GNAO1: variants seen among roughly 807,000 people sequenced by gnomAD.
GNAO1 encodes the protein G protein subunit alpha o1.
For missense variants in GNAO1, 166 were observed against 478.7 expected, an observed-to-expected ratio of 0.35 and a Z score of 6.10; for synonymous variants, 164 against 180.7, an observed-to-expected ratio of 0.91 and a Z score of 0.74.
At chr16:56,221,176 A>T (rs2036482929) in intron 2 of GNAO1, among the ~76,000 whole-genome samples, 2 of 152,180 alleles carry the variant, frequency 1.3e-5, no homozygotes, top group Admixed American at 1.3e-4. Flanking sequence ...CCAGTGCCTC[A>T]ACGTTGGACT....
At chr16:56,341,325 G>C (rs2037801429) in intron 6 of GNAO1, among the ~76,000 whole-genome samples, 1 of 152,226 alleles carries the variant, frequency 6.6e-6, no homozygotes, top group African/African-American at 2.4e-5. Context: ...ACAGAGGCTT[G>C]GAGTTAGGCA....
In GNAO1 at chr16:56,288,246, T is replaced by C. The variant is rs542883555; in HGVS notation, c.303+12174T>C. ...GAACTAATGCAAGCAGGTGTACTGC[T>C]GCTCAGAGCTCAGCTGGCGAGCAGG... On this transcript the variant is annotated intron_variant, in intron 3 of 8. Coordinates refer to ENST00000262493, the MANE Select transcript of GNAO1 (RefSeq NM_020988.3). 4.4e-4 allele frequency among the ~76,000 whole-genome samples: 67 copies of C among 152,380 alleles called. 1 individual carries two copies. Among genetic ancestry groups the C allele is most frequent in the Non-Finnish European group, 8.7e-4 (59 of 68,036 alleles).
At chr16:56,320,642 G>A (rs2037561675) in intron 3 of GNAO1, among the ~76,000 whole-genome samples, 1 of 152,214 alleles carries the variant, frequency 6.6e-6, no homozygotes, top group South Asian at 2.1e-4. Flanking sequence ...AGAATCAGAT[G>A]TTGGATTCCA....
rs368451003 is a variant in GNAO1, at chr16:56,240,816, G to A, written c.162-35115G>A. 1.1e-4 allele frequency among the ~76,000 whole-genome samples: 17 copies of A among 152,260 alleles called. No homozygotes were observed. In the East Asian group the frequency reaches 2.5e-3, roughly 23 times the overall value. On this transcript the variant is annotated intron_variant, in intron 2 of 8. Coordinates refer to ENST00000262493, the MANE Select transcript of GNAO1 (RefSeq NM_020988.3). ...GGTGTTTATCCTCGTGCACAGTCACGAGGAGAAGGATGCTTATAAAACTAG... is the reference window on the plus strand; with the variant it reads ...GGTGTTTATCCTCGTGCACAGTCACAAGGAGAAGGATGCTTATAAAACTAG...
At chr16:56,256,710 C>CTG (rs1255530533) in intron 2 of GNAO1, among the ~76,000 whole-genome samples, 6 of 120,528 alleles carry the variant, frequency 5.0e-5, no homozygotes, top group African/African-American at 2.0e-4. Context: ...CTCTCTCTCT[C>CTG]TCTCTCTCTG....
chr16:56,325,781 A>T (rs1471208155), intron 3 of GNAO1, among the ~76,000 whole-genome samples: 1 of 152,190 alleles, frequency 6.6e-6, no homozygotes, highest in Non-Finnish European at 1.5e-5. Context: ...AGGACAGGTC[A>T]CATGAAGGGT....
intron 2 of GNAO1, among the ~76,000 whole-genome samples, chr16:56,264,236 G>T (rs578223279): frequency 6.6e-6 from 1 of 152,326 alleles, no homozygotes; most frequent in South Asian, 2.1e-4. Flanking sequence ...TTCAAGTCAC[G>T]ATATCTGTAA....
At chr16:56,239,824 A>G (rs1464618625) in intron 2 of GNAO1, among the ~76,000 whole-genome samples, 3 of 152,212 alleles carry the variant, frequency 2.0e-5, no homozygotes, top group African/African-American at 7.2e-5. Context: ...TAGGACTGCC[A>G]GTTATTCACT....
chr16:56,204,921 A>G lies in GNAO1; in HGVS notation c.161+12305A>G, dbSNP rs184070230. On this transcript the variant is annotated intron_variant, in intron 2 of 8. Transcript: ENST00000262493. The stretch of plus-strand genomic sequence containing the variant: ...TCGCGTGATCTATAAGCTTCTACTC[A>G]AGTCTTGAGGTCATAATTTATATCT... Among the ~76,000 whole-genome samples the G allele has an allele frequency of 2.8e-3, 419 of 152,252 alleles. 1 individual carries two copies. Among genetic ancestry groups the G allele is most frequent in the Non-Finnish European group, 4.6e-3 (311 of 67,998 alleles).
chr16:56,221,899 A>G (rs2143368506), intron 2 of GNAO1, among the ~76,000 whole-genome samples: 1 of 152,242 alleles, frequency 6.6e-6, no homozygotes, highest in South Asian at 2.1e-4. Flanking sequence ...CAGGAGGGGT[A>G]GCCAGCACCA....
intron 2 of GNAO1, among the ~76,000 whole-genome samples, chr16:56,261,257 C>T (rs919026936): frequency 1.4e-4 from 22 of 152,232 alleles, no homozygotes; most frequent in African/African-American, 4.8e-4. Flanking sequence ...TTGCCTTGAA[C>T]TCTCCTAGGC....
At chr16:56,343,680 C>A in intron 6 of GNAO1, 5 of 1,136,072 alleles carry the variant, frequency 4.4e-6, no homozygotes, top group Non-Finnish European at 5.0e-6. Context: ...GCCGGATGGC[C>A]ACACAGGCCA....
chr16:56,269,394 G>A (rs756124259), intron 2 of GNAO1, among the ~76,000 whole-genome samples: 3 of 152,098 alleles, frequency 2.0e-5, no homozygotes, highest in South Asian at 2.1e-4. Flanking sequence ...GAGGACAGAC[G>A]CGGGACGCCT....
intron 3 of GNAO1, among the ~76,000 whole-genome samples, chr16:56,277,991 G>C (rs905203214): frequency 5.9e-5 from 9 of 152,156 alleles, no homozygotes; most frequent in African/African-American, 1.7e-4. Context: ...TGTTCCCATG[G>C]GATTTTTTTT....
chr16:56,210,954 A>G (rs2036380620), intron 2 of GNAO1, among the ~76,000 whole-genome samples: 1 of 152,120 alleles, frequency 6.6e-6, no homozygotes, highest in South Asian at 2.1e-4. Context: ...ACTTTTGTGT[A>G]TTGATTTTTA....
chr16:56,292,650 C>T (rs1379562816), intron 3 of GNAO1, among the ~76,000 whole-genome samples: 1 of 152,236 alleles, frequency 6.6e-6, no homozygotes, highest in Non-Finnish European at 1.5e-5. Flanking sequence ...GCATGAGCCA[C>T]TATGCCTGGC....
At position 56,277,573 on chromosome 16, in the gene GNAO1, T is replaced by C. The variant is rs74477230; in HGVS notation, c.303+1501T>C. On this transcript the variant is annotated intron_variant, in intron 3 of 8. Transcript: ENST00000262493. ...TACCATCTGTTGAGCACCTACTGGC[T>C]GCCAGGCACATACTAAGCACTTTAC... Among the ~76,000 whole-genome samples the C allele has an allele frequency of 1.2e-3, 189 of 152,322 alleles. 2 individuals carry two copies. Among genetic ancestry groups the C allele is most frequent in the Admixed American group, 3.5e-3 (53 of 15,302 alleles).
intron 2 of GNAO1, among the ~76,000 whole-genome samples, chr16:56,251,675 T>C (rs1343383893): frequency 6.6e-6 from 1 of 152,190 alleles, no homozygotes; most frequent in Non-Finnish European, 1.5e-5. Context: ...TCCCCTTGCC[T>C]ATGCTCAAAC....
At chr16:56,265,711 C>A (rs1231322072) in intron 2 of GNAO1, among the ~76,000 whole-genome samples, 2 of 152,038 alleles carry the variant, frequency 1.3e-5, no homozygotes, top group Non-Finnish European at 1.5e-5. Flanking sequence ...GGAGGGAAAG[C>A]TGCCATTTAA....
Sources: allele counts gnomAD v4.1 joint callset (sites outside exome capture counted in the v4.1 genomes callset), GRCh38; gene constraint gnomAD v4.1.1; transcripts MANE v1.5; gene names NCBI Gene and HGNC (gene_info 2026-07-23, HGNC 2026-07-21).